ANKRD28: variants seen among roughly 807,000 people sequenced by gnomAD.
ANKRD28 encodes the protein ankyrin repeat domain 28, also known as serine/threonine-protein phosphatase 6 regulatory ankyrin repeat subunit A.
A neutral mutation model predicts 126.5 loss-of-function variants in ANKRD28; 44 were observed. The observed-to-expected ratio is 0.35, with a 90% CI of 0.27 to 0.45. The LOEUF (loss-of-function observed/expected upper bound fraction) is 0.45. Ranked by LOEUF, ANKRD28 falls within the 20% of genes least tolerant of loss-of-function variation. The pLI is 1.00. For missense variants in ANKRD28, 1,110 were observed against 1,316.6 expected (o/e 0.84, Z 2.43); for synonymous variants, 442 against 468.5 (o/e 0.94, Z 0.73).
chr3:15,753,617 G>A (rs1430880896), intron 3 of ANKRD28, among the ~76,000 whole-genome samples: 1 of 152,184 alleles, frequency 6.6e-6, no homozygotes, highest in African/African-American at 2.4e-5. Context: ...TCTCATGAGG[G>A]ATGCTGAGAA....
chr3:15,785,424 CA>C (rs769271931), intron 2 of ANKRD28, among the ~76,000 whole-genome samples: 2 of 151,974 alleles, frequency 1.3e-5, no homozygotes, highest in Non-Finnish European at 2.9e-5. Context: ...GACATTTCAC[CA>C]AAGAAGATAT....
In ANKRD28 at chr3:15,797,432, C is replaced by A; in HGVS notation, c.-911G>T. Reference sequence around the variant, plus strand: ...CATCAGGCAGTTGTCTGTGGCTGCTCCAGCAAAAGGGCACAGGCACCAGGC... The same window carrying A: ...CATCAGGCAGTTGTCTGTGGCTGCTACAGCAAAAGGGCACAGGCACCAGGC... On this transcript the variant is annotated 5_prime_UTR_variant, in exon 1 of 28. Transcript: ENST00000683139. 2 of 985,334 alleles carry A rather than the reference C, an allele frequency of 2.0e-6. No individual in the cohort carries two copies. Among genetic ancestry groups the A allele is most frequent in the South Asian group, 4.7e-5 (1 of 21,274 alleles). The allele number at this position is 985,334 out of a possible 1,614,324, so 61.0% of individuals were successfully genotyped here. A position where few individuals can be genotyped will look rare whatever the true frequency, so the allele number is the denominator to read the frequency against.
rs182940641 is a variant in ANKRD28 at position 15,741,205 on chromosome 3, A to C, written c.352-3972T>G. 6.4e-3 allele frequency among the ~76,000 whole-genome samples: 893 copies of C among 139,392 alleles called. 6 individuals are homozygous for C. The highest frequency in any genetic ancestry group is 0.024 in the African/African-American group (848 of 34,978). The allele number at this position is 139,392 out of a possible 152,430, so 91.4% of individuals were successfully genotyped here. A position where few individuals can be genotyped will look rare whatever the true frequency, so the allele number is the denominator to read the frequency against. Reference sequence around the variant, plus strand: ...CAGAGCGAGACTCCATCTCAAAAAAAAAAAACAAAAAACAAAAAACGTGTC... The same window carrying C: ...CAGAGCGAGACTCCATCTCAAAAAACAAAAACAAAAAACAAAAAACGTGTC... On this transcript the variant is annotated intron_variant, in intron 4 of 27. Transcript: ENST00000683139.
chr3:15,848,651 G>A (rs1448254988), intron 1 of ANKRD28, among the ~76,000 whole-genome samples: 1 of 151,842 alleles, frequency 6.6e-6, no homozygotes, highest in African/African-American at 2.4e-5. Flanking sequence ...ACTACAGCCT[G>A]GGTGACAAAG....
At position 15,714,687 on chromosome 3, in the gene ANKRD28, T is replaced by C. The variant is rs1452234171; in HGVS notation, c.997-31A>G. The C allele has an allele frequency of 2.0e-6, 3 of 1,489,484 alleles. No homozygotes were observed. The South Asian group carries it at 3.8e-5, about 19-fold the overall frequency. 92.3% of individuals were successfully genotyped at this position (1,489,484 alleles called of 1,614,324 possible). A position where few individuals can be genotyped will look rare whatever the true frequency, so the allele number is the denominator to read the frequency against. On this transcript the variant is annotated intron_variant, in intron 8 of 27. Transcript: ENST00000683139. Reference sequence around the variant, plus strand: ...GGGGGAAGAAAAAAATTACTCACTCTACTATATCCATAATGTGTAAACCTT... The same window carrying C: ...GGGGGAAGAAAAAAATTACTCACTCCACTATATCCATAATGTGTAAACCTT...
In ANKRD28 at chr3:15,676,803, T is replaced by C. The variant is rs1395665225; in HGVS notation, c.2873+171A>G. 3 of 483,518 alleles carry C rather than the reference T, an allele frequency of 6.2e-6. No homozygotes were observed. The East Asian group carries it at 1.0e-4, about 17-fold the overall frequency. The allele number at this position is 483,518 out of a possible 1,614,324, so 30.0% of individuals were successfully genotyped here. ...CAGTTCAAAAGCATTTTAAATAATA[T>C]GGCTTTTAGTTGTGATCATTTTAGA... On this transcript the variant is annotated intron_variant, in intron 26 of 27. Transcript: ENST00000683139.
In ANKRD28 at chr3:15,856,004, C is replaced by CG. The variant is rs1277082841; in HGVS notation, c.27+3372dup. On this transcript the variant is annotated intron_variant, in intron 1 of 27. Transcript: ENST00000399451. ...TTATCTAGAAGAAAACTGTATTTAA[C>CG]GGGAATCTTATTTTGTAGTTTTGTT... Among the ~76,000 whole-genome samples the CG allele has an allele frequency of 2.0e-4, 31 of 152,228 alleles. 5 individuals carry two copies. The highest frequency in any genetic ancestry group is 8.5e-4 in the Admixed American group (13 of 15,288).
At chr3:15,743,424 C>T (rs563073087) in intron 4 of ANKRD28, among the ~76,000 whole-genome samples, 89 of 152,116 alleles carry the variant, frequency 5.9e-4, no homozygotes, top group Non-Finnish European at 1.1e-3. Flanking sequence ...TTGGAGAGAC[C>T]ACACAATATC....
At chr3:15,748,235 A>G (rs1197409223) in intron 4 of ANKRD28, among the ~76,000 whole-genome samples, 2 of 152,092 alleles carry the variant, frequency 1.3e-5, no homozygotes, top group African/African-American at 4.8e-5. Flanking sequence ...TCCTCATGCT[A>G]TTTGTTGCCT....
At chr3:15,834,390 AT>A (rs1486052452) in intron 1 of ANKRD28, among the ~76,000 whole-genome samples, 1 of 151,954 alleles carries the variant, frequency 6.6e-6, no homozygotes, top group Non-Finnish European at 1.5e-5. Flanking sequence ...TGGGTTCCCT[AT>A]TTTGTTCCAG....
chr3:15,700,290 C>T (rs2070366532), intron 14 of ANKRD28, among the ~76,000 whole-genome samples: 1 of 152,100 alleles, frequency 6.6e-6, no homozygotes, highest in South Asian at 2.1e-4. Context: ...TACACCGGGG[C>T]CTGTCCGGGG....
intron 3 of ANKRD28, among the ~76,000 whole-genome samples, chr3:15,757,477 A>C (rs1215464661): frequency 6.6e-6 from 1 of 152,218 alleles, no homozygotes; most frequent in Non-Finnish European, 1.5e-5. Context: ...AAATGGTCTG[A>C]ATGTTTGCGT....
chr3:15,676,042 C>T (rs1319134550), intron 26 of ANKRD28, 53 bp from the exon 27 acceptor site: 1 of 1,412,268 alleles, frequency 7.1e-7, no homozygotes, highest in South Asian at 1.3e-5. Flanking sequence ...CATGCACATA[C>T]ACATACACAC....
At chr3:15,723,521 G>GGT (rs746971822) in intron 7 of ANKRD28, among the ~76,000 whole-genome samples, 1 of 152,162 alleles carries the variant, frequency 6.6e-6, no homozygotes, top group Non-Finnish European at 1.5e-5. Flanking sequence ...GGCTGGGTGT[G>GGT]GTGGCTCATG....
intron 14 of ANKRD28, among the ~76,000 whole-genome samples, chr3:15,699,829 A>G (rs1019951123): frequency 1.3e-5 from 2 of 152,232 alleles, no homozygotes; most frequent in Non-Finnish European, 2.9e-5. Flanking sequence ...CAGTGTGGTG[A>G]TTCCTCAAGG....
chr3:15,690,979 C>G (rs1017659689), intron 17 of ANKRD28, among the ~76,000 whole-genome samples: 2 of 152,116 alleles, frequency 1.3e-5, no homozygotes, highest in Non-Finnish European at 2.9e-5. Flanking sequence ...CTGACCATAC[C>G]CACCCCATAA....
chr3:15,676,735 T>G, intron 26 of ANKRD28: 2 of 350,066 alleles, frequency 5.7e-6, no homozygotes, highest in Non-Finnish European at 1.1e-5. Context: ...GGTAGGTGGA[T>G]TAAGGAAAAA....
At chr3:15,795,376 T>C in intron 1 of ANKRD28, 70 bp from the exon 2 acceptor site, 2 of 1,065,360 alleles carry the variant, frequency 1.9e-6, no homozygotes, top group Non-Finnish European at 2.8e-6. Flanking sequence ...TTTTACATAG[T>C]TCTGGAATCT....
Position 15,817,692 on chromosome 3 carries a change from A to T in ANKRD28, c.28-22386T>A, listed in dbSNP as rs2060860389. ...TTTAAATAAATATAAAATTACCAGG[A>T]AACCACTAATTTCTTCCTAAGATGA... On this transcript the variant is annotated intron_variant, in intron 1 of 27. Transcript: ENST00000399451. This position sits in a 1 kb window ranked among gnomAD's most constrained non-coding sequence, Gnocchi z 4.5. Among the ~76,000 whole-genome samples the T allele has an allele frequency of 6.6e-6, 1 of 152,216 alleles. No homozygotes were observed. The highest frequency in any genetic ancestry group is 2.4e-5 in the African/African-American group (1 of 41,456).
Sources: allele counts gnomAD v4.1 joint callset (sites outside exome capture counted in the v4.1 genomes callset), GRCh38; gene constraint gnomAD v4.1.1; non-coding constraint Gnocchi (gnomAD v3.1); transcripts MANE v1.5; gene names NCBI Gene and HGNC (gene_info 2026-07-23, HGNC 2026-07-21).